Variants in DOCK2 observed in about 807,000 individuals in gnomAD.
DOCK2 encodes the protein dedicator of cytokinesis 2, also known as dedicator of cytokinesis protein 2.
A neutral mutation model predicts 248.9 loss-of-function variants in DOCK2; 87 were observed. That is an observed-to-expected ratio of 0.35 (90% CI 0.29 to 0.42). DOCK2 has a LOEUF of 0.42. Among genes scored for constraint, DOCK2 ranks in the 10% least tolerant of loss-of-function variants. The pLI is 1.00. For synonymous variants in DOCK2, 805 were observed against 821.6 expected, an observed-to-expected ratio of 0.98 and a Z score of 0.35; for missense variants, 1,747 against 2,300.2, an observed-to-expected ratio of 0.76 and a Z score of 4.92.
In DOCK2 at chr5:170,008,517, T is replaced by C. The variant is rs756862748; in HGVS notation, c.3093T>C (p.His1031=). 2.5e-6 allele frequency: 4 copies of C among 1,614,158 alleles called. No individual in the cohort carries two copies. In the Admixed American group the frequency reaches 6.7e-5, roughly 27 times the overall value. The change falls in exon 31 of 52, where the codon CAT becomes CAC. Residue 1031 remains histidine, a synonymous_variant. Coordinates refer to ENST00000520908, the MANE Select transcript of DOCK2 (RefSeq NM_004946.3). The stretch of plus-strand genomic sequence containing the variant: ...TACAGCTGTGGAACAACTATTTTCA[T>C]CTGGCAGTGGCTTTTATCACCCAGG... The part of the protein sequence containing the change: ...FEFQLWNNYF[H]LAVAFITQDS...
intron 27 of DOCK2, among the ~76,000 whole-genome samples, chr5:169,862,224 A>G (rs1451263462): frequency 6.6e-6 from 1 of 152,258 alleles, no homozygotes; most frequent in African/African-American, 2.4e-5. Flanking sequence ...AGAATGGACA[A>G]ACAGGCCGGG....
intron 44 of DOCK2, among the ~76,000 whole-genome samples, chr5:170,061,277 G>A (rs998143645): frequency 6.6e-6 from 1 of 152,232 alleles, no homozygotes; most frequent in African/African-American, 2.4e-5. Flanking sequence ...AGTCCCAACA[G>A]CCCGTTGATA....
At chr5:169,669,514 C>T (rs1221469725) in intron 3 of DOCK2, among the ~76,000 whole-genome samples, 186 bp downstream of exon 3, 1 of 152,162 alleles carries the variant, frequency 6.6e-6, no homozygotes, top group East Asian at 1.9e-4. Context: ...CCCACTTTCC[C>T]TCATTCTTTA....
intron 27 of DOCK2, among the ~76,000 whole-genome samples, chr5:169,847,783 G>A (rs1770400525): frequency 6.6e-6 from 1 of 152,194 alleles, no homozygotes; most frequent in African/African-American, 2.4e-5. Context: ...CATTGGCTCA[G>A]TGGGAAGAAC....
intron 27 of DOCK2, among the ~76,000 whole-genome samples, chr5:169,869,965 C>T: frequency 6.6e-6 from 1 of 152,198 alleles, no homozygotes; most frequent in East Asian, 1.9e-4. Flanking sequence ...AGAACCCTGG[C>T]TTACAGTGGA....
chr5:170,081,607 C>G (rs1348337800), intron 50 of DOCK2: 1 of 533,484 alleles, frequency 1.9e-6, no homozygotes, highest in Non-Finnish European at 3.3e-6. Context: ...AGGTTTTGAC[C>G]AGGAGCCAGG....
intron 27 of DOCK2, among the ~76,000 whole-genome samples, chr5:169,935,506 TG>T (rs1307593826): frequency 2.6e-5 from 4 of 152,328 alleles, no homozygotes; most frequent in Middle Eastern, 3.4e-3. Context: ...CTGCCACCTC[TG>T]GACAGCAGCC....
At chr5:169,648,675 T>C (rs574102881) in intron 1 of DOCK2, among the ~76,000 whole-genome samples, 15 of 152,304 alleles carry the variant, frequency 9.8e-5, no homozygotes, top group Admixed American at 8.5e-4. Context: ...GATCTTGCAC[T>C]ACCTCAGTTT....
In DOCK2 at chr5:170,077,609, C is replaced by T; in HGVS notation, c.4867-101C>T. 1.9e-6 allele frequency: 3 copies of T among 1,540,806 alleles called. No individual in the cohort carries two copies. In the Admixed American group the frequency reaches 5.5e-5, roughly 28 times the overall value. On this transcript the variant is annotated intron_variant, in intron 47 of 51. Coordinates refer to ENST00000520908, the MANE Select transcript of DOCK2 (RefSeq NM_004946.3). The stretch of plus-strand genomic sequence containing the variant: ...TTTTGTGCTGATGCTCCACTCAGCC[C>T]CACAACTCTGCCCTGCCTAGGTGGA...
At chr5:169,740,600 C>T (rs889711311) in intron 22 of DOCK2, among the ~76,000 whole-genome samples, 2 of 152,226 alleles carry the variant, frequency 1.3e-5, no homozygotes. Flanking sequence ...CTGATCTGCA[C>T]CCCGCCTGTT....
intron 27 of DOCK2, among the ~76,000 whole-genome samples, chr5:169,919,626 C>A (rs1395427702): frequency 6.6e-6 from 1 of 152,122 alleles, no homozygotes; most frequent in Admixed American, 6.5e-5. Context: ...GTTTCCCTGG[C>A]GTATTTTTGT....
intron 27 of DOCK2, among the ~76,000 whole-genome samples, chr5:169,963,115 C>A (rs921595528): frequency 1.3e-5 from 2 of 152,198 alleles, no homozygotes; most frequent in Non-Finnish European, 2.9e-5. Context: ...GGAAACTACA[C>A]CTTCTACCCC....
At chr5:170,041,187 G>A in intron 37 of DOCK2, 42 bp downstream of exon 37, 1 of 1,517,904 alleles carries the variant, frequency 6.6e-7, no homozygotes, top group East Asian at 2.3e-5. Flanking sequence ...CTGGGATCCT[G>A]ACAGGGCCTC....
chr5:169,745,561 G>C (rs1214906457), intron 22 of DOCK2, among the ~76,000 whole-genome samples: 3 of 152,204 alleles, frequency 2.0e-5, no homozygotes, highest in African/African-American at 7.2e-5. Flanking sequence ...TGAGAGGCTG[G>C]GCTCAGGAGC....
chr5:169,968,003 C>T lies in DOCK2; in HGVS notation c.2800-15065C>T, dbSNP rs367883540. 2.0e-4 allele frequency among the ~76,000 whole-genome samples: 30 copies of T among 152,214 alleles called. No homozygotes were observed. The South Asian group carries it at 3.1e-3, about 16-fold the overall frequency. ...TCTGAGAGGGGAAGGATCATGTTGA[C>T]ATGTTAATATGAGCTGCCCATGAGG... On this transcript the variant is annotated intron_variant, in intron 27 of 51. Coordinates refer to ENST00000520908, the MANE Select transcript of DOCK2 (RefSeq NM_004946.3).
chr5:169,832,551 C>T (rs934979455), intron 26 of DOCK2, among the ~76,000 whole-genome samples: 1 of 152,148 alleles, frequency 6.6e-6, no homozygotes, highest in African/African-American at 2.4e-5. Flanking sequence ...GATGTCAATG[C>T]AGTAAAATCT....
intron 26 of DOCK2, among the ~76,000 whole-genome samples, chr5:169,834,160 G>T (rs1444605279): frequency 1.5e-5 from 2 of 136,008 alleles, no homozygotes; most frequent in Non-Finnish European, 3.2e-5. Context: ...TCACCCTGCA[G>T]TAAGCTCACA....
In DOCK2 at chr5:169,684,230, G is replaced by A. The variant is rs984797885; in HGVS notation, c.641G>A (p.Arg214Gln). The A allele has an allele frequency of 3.7e-6, 6 of 1,614,004 alleles. No homozygotes were observed. Among genetic ancestry groups the A allele is most frequent in the Non-Finnish European group, 3.4e-6 (4 of 1,179,964 alleles). ...CAGCCAGATTATGCAATGTATTCCC[G>A]GATCTCCTCATCCCCCACCCATAGC... ...KDQPDYAMYS[R>Q]ISSSPTHSLY... Residue 214 changes from arginine (R) to glutamine (Q), a missense_variant, in exon 8 of 52, where the codon CGG becomes CAG. This residue lies in a region of DOCK2 where 375 missense variants were observed against 510.9 expected (regional missense o/e 0.73). Transcript: ENST00000520908.
intron 9 of DOCK2, among the ~76,000 whole-genome samples, chr5:169,694,160 G>T (rs1196380470): frequency 6.6e-6 from 1 of 152,220 alleles, no homozygotes. Flanking sequence ...TACCAGCATA[G>T]TGAGAGGCAG....
Sources: gnomAD v4.1 joint callset for allele counts (sites outside exome capture counted in the v4.1 genomes callset) on GRCh38, gnomAD v4.1.1 for gene constraint, gnomAD v4.1.1 regional missense constraint, MANE v1.5 for transcripts, NCBI Gene and HGNC (gene_info 2026-07-23, HGNC 2026-07-21) for gene names.